The following SHROOM2 variants were observed in gnomAD, a reference collection of about 807,000 sequenced individuals.
SHROOM2 encodes the protein protein Shroom2.
A neutral mutation model predicts 75.9 loss-of-function variants in SHROOM2; 33 were observed. That is an observed-to-expected ratio of 0.43 (90% confidence interval 0.33 to 0.58). The LOEUF is 0.58. Ranked by LOEUF, SHROOM2 falls within the 20% of genes least tolerant of loss-of-function variation. SHROOM2 has a pLI of 0.04. For synonymous variants in SHROOM2, 655 were observed against 663.6 expected (o/e 0.99, Z 0.20); for missense variants, 1,434 against 1,461.2 (o/e 0.98, Z 0.30).
intron 5 of SHROOM2, among the ~76,000 whole-genome samples, chrX:9,898,906 C>T (rs201989584): frequency 0.039 from 4,340 of 111,189 alleles, 172 homozygotes; most frequent in African/African-American, 0.12. Flanking sequence ...GAATGTGCGC[C>T]GTAGCCGCTT....
At chrX:9,929,985 A>G (rs1041026710) in intron 5 of SHROOM2, among the ~76,000 whole-genome samples, 4 of 111,471 alleles carry the variant, frequency 3.6e-5, no homozygotes, top group African/African-American at 6.5e-5. Flanking sequence ...ACCTCCCGCC[A>G]TGATTCTGAG....
Position 9,907,340 on chromosome X carries a change from T to C in SHROOM2, c.2891+9050T>C, listed in dbSNP as rs945435723. ...ACAGGCTGTGTCTCTGAATAGAAAGTCTCCACACTGCCGTGCCGCTCTCCA... is the reference window on the plus strand; with the variant it reads ...ACAGGCTGTGTCTCTGAATAGAAAGCCTCCACACTGCCGTGCCGCTCTCCA... On this transcript the variant is annotated intron_variant, in intron 5 of 9. Transcript: ENST00000380913. 7.2e-5 allele frequency among the ~76,000 whole-genome samples: 8 copies of C among 110,796 alleles called. No homozygotes were observed. In the East Asian group the frequency reaches 1.7e-3, roughly 24 times the overall value.
Position 9,908,944 on chromosome X carries a change from A to AAAATAAATAAAT in SHROOM2, c.2891+10674_2891+10685dup, listed in dbSNP as rs57235803. Among the ~76,000 whole-genome samples, 858 of 102,982 alleles carry AAAATAAATAAAT rather than the reference A, an allele frequency of 8.3e-3. 4 individuals are homozygous for AAAATAAATAAAT. Among genetic ancestry groups the AAAATAAATAAAT allele is most frequent in the Non-Finnish European group, 0.012 (623 of 50,676 alleles). 89.4% of individuals were successfully genotyped at this position (102,982 alleles called of 115,157 possible). ...TGGGTGACAGTGAGACCCTCTCTCA[A>AAAATAAATAAAT]AAATAAATAAATAAATAAATAAATA... On this transcript the variant is annotated intron_variant, in intron 5 of 9. Coordinates refer to ENST00000380913, the MANE Select transcript of SHROOM2 (RefSeq NM_001649.4).
chrX:9,862,214 T>A (rs1028585153), intron 1 of SHROOM2, among the ~76,000 whole-genome samples: 2 of 111,630 alleles, frequency 1.8e-5, no homozygotes, highest in African/African-American at 6.5e-5. Flanking sequence ...AATTATTAAC[T>A]AGTAGCTACT....
rs1814565579 is a variant in SHROOM2, at chrX:9,815,557, TCCTATATCTATATCCTATA to T, written c.165+28848_165+28866del. Reference sequence around the variant, plus strand: ...ATTATATATATATATCCTATATCTATCCTATATCTATATCCTATATCTATATCTATATCTATATCTATAT... The same window carrying T: ...ATTATATATATATATCCTATATCTATTCTATATCTATATCTATATCTATAT... On this transcript the variant is annotated intron_variant, in intron 1 of 9. Coordinates refer to ENST00000380913, the MANE Select transcript of SHROOM2 (RefSeq NM_001649.4). 3.0e-5 allele frequency among the ~76,000 whole-genome samples: 3 copies of T among 98,543 alleles called. No individual in the cohort carries two copies. In the Admixed American group the frequency reaches 3.9e-4, roughly 13 times the overall value. 85.6% of individuals were successfully genotyped at this position (98,543 alleles called of 115,157 possible). A position where few individuals can be genotyped will look rare whatever the true frequency, so the allele number is the denominator to read the frequency against.
rs1569132987 is a variant in SHROOM2 at position 9,792,064 on chromosome X, TA to T, written c.165+5355del. Among the ~76,000 whole-genome samples, 35 of 12,302 alleles carry T rather than the reference TA, an allele frequency of 2.8e-3. 5 individuals are homozygous for T. The highest frequency in any genetic ancestry group is 9.0e-3 in the African/African-American group (35 of 3,883). 10.7% of individuals were successfully genotyped at this position (12,302 alleles called of 115,157 possible). A position where few individuals can be genotyped will look rare whatever the true frequency, so the allele number is the denominator to read the frequency against. On this transcript the variant is annotated intron_variant, in intron 1 of 9. Transcript: ENST00000380913. ...TAGAATAGAATAGAATAGAATAGAA[TA>T]GAATAGAATAGAATAGAATAGAATA...
At chrX:9,792,850 C>T (rs1305684243) in intron 1 of SHROOM2, among the ~76,000 whole-genome samples, 4 of 109,505 alleles carry the variant, frequency 3.7e-5, no homozygotes, top group Non-Finnish European at 7.6e-5. Context: ...CCTGGCGTTA[C>T]AGGCGCACAC....
At chrX:9,859,028 A>G (rs1354538182) in intron 1 of SHROOM2, among the ~76,000 whole-genome samples, 1 of 111,600 alleles carries the variant, frequency 9.0e-6, no homozygotes, top group Non-Finnish European at 1.9e-5. Flanking sequence ...AGCCTGGCCA[A>G]CATGGTGAAA....
At chrX:9,875,901 A>G (rs771849198) in intron 2 of SHROOM2, among the ~76,000 whole-genome samples, 63 of 112,773 alleles carry the variant, frequency 5.6e-4, no homozygotes, top group Non-Finnish European at 7.7e-4. Context: ...GTACATATTT[A>G]GTGATAAAGA....
chrX:9,843,172 C>T (rs1156277299), intron 1 of SHROOM2, among the ~76,000 whole-genome samples: 2 of 110,150 alleles, frequency 1.8e-5, no homozygotes, highest in Admixed American at 1.9e-4. Context: ...TCTCACCTCC[C>T]CCACACTGGG....
intron 5 of SHROOM2, among the ~76,000 whole-genome samples, chrX:9,907,171 G>A (rs1182286174): frequency 9.0e-6 from 1 of 111,516 alleles, no homozygotes; most frequent in African/African-American, 3.3e-5. Context: ...CTCTGAGTCA[G>A]GTATGTGGAT....
At chrX:9,880,961 TAAAG>T (rs968431178) in intron 2 of SHROOM2, among the ~76,000 whole-genome samples, 1 of 111,499 alleles carries the variant, frequency 9.0e-6, no homozygotes, top group African/African-American at 3.3e-5. Context: ...GTTTTATTGT[TAAAG>T]AAAGCCTGTT....
chrX:9,900,766 A>G (rs967499259), intron 5 of SHROOM2, among the ~76,000 whole-genome samples: 1 of 111,021 alleles, frequency 9.0e-6, no homozygotes, highest in Non-Finnish European at 1.9e-5. Context: ...TTGAGCTAAA[A>G]TAGAACTGAA....
chrX:9,829,917 C>A (rs2083906629), intron 1 of SHROOM2, among the ~76,000 whole-genome samples: 1 of 111,319 alleles, frequency 9.0e-6, no homozygotes, highest in African/African-American at 3.3e-5. Flanking sequence ...TCAGTTGATG[C>A]TTTTAGGAGA....
chrX:9,894,363 C>T lies in SHROOM2; in HGVS notation c.455C>T (p.Ser152Phe). 8.3e-7 allele frequency: 1 copy of T among 1,200,314 alleles called. No individual in the cohort carries two copies. Reference sequence around the variant, plus strand: ...CCTTCTTCTCATTCTTGCAGTTCTTCCTCCCACGACCTGTCCAGTTCCTGG... The same window carrying T: ...CCTTCTTCTCATTCTTGCAGTTCTTTCTCCCACGACCTGTCCAGTTCCTGG... Reference protein sequence around the residue: ...SWSGRHHASSSSHDLSSSWEQ... With the variant: ...SWSGRHHASSFSHDLSSSWEQ... The change falls in exon 4 of 10, where the codon TCC (serine) becomes TTC (phenylalanine). Residue 152 changes from serine to phenylalanine, a missense_variant. Ser to Phe is a radical substitution (Grantham distance 155). Around this residue, in one of 3 missense-constraint regions of SHROOM2, gnomAD observed 1,340 missense variants for 1,338.3 expected, o/e 1.00. Transcript: ENST00000380913.
In SHROOM2 at chrX:9,894,733, C is replaced by T; in HGVS notation, c.825C>T (p.Asp275=). The change falls in exon 4 of 10, where the codon GAC becomes GAT. Residue 275 remains aspartate (D), a synonymous_variant. Coordinates refer to ENST00000380913, the MANE Select transcript of SHROOM2 (RefSeq NM_001649.4). ...LSCFPPRVPG[D]SGKGPRPEYN... ...GTTTCCCGCCCAGGGTCCCCGGTGA[C>T]AGCGGCAAAGGCCCCAGGCCAGAGT... 8.3e-7 allele frequency: 1 copy of T among 1,211,326 alleles called. No individual in the cohort carries two copies. The highest frequency in any genetic ancestry group is 1.1e-6 in the Non-Finnish European group (1 of 895,250).
chrX:9,883,784 G>A (rs1270948133), intron 2 of SHROOM2, among the ~76,000 whole-genome samples: 1 of 111,391 alleles, frequency 9.0e-6, no homozygotes, highest in Non-Finnish European at 1.9e-5. Flanking sequence ...CAGAGTCAGA[G>A]CTGGGGTTCA....
At chrX:9,935,405 C>G (rs935386218) in intron 6 of SHROOM2, among the ~76,000 whole-genome samples, 1 of 109,846 alleles carries the variant, frequency 9.1e-6, no homozygotes, top group East Asian at 2.8e-4. Flanking sequence ...GTCTCAAACT[C>G]CTGGGCGCAA....
chrX:9,913,745 C>G lies in SHROOM2; in HGVS notation c.2891+15455C>G, dbSNP rs768777171. ...TGAAGAAAGGTTTTTGGAAATCTAC[C>G]TGGTAGCACTTACGAGTAAACAGCC... On this transcript the variant is annotated intron_variant, in intron 5 of 9. Coordinates refer to ENST00000380913, the MANE Select transcript of SHROOM2 (RefSeq NM_001649.4). Among the ~76,000 whole-genome samples the G allele has an allele frequency of 4.5e-5, 5 of 112,011 alleles. No individual in the cohort carries two copies. The East Asian group carries it at 1.1e-3, about 25-fold the overall frequency.
Sources: allele counts gnomAD v4.1 joint callset (sites outside exome capture counted in the v4.1 genomes callset), GRCh38; gene constraint gnomAD v4.1.1; regional missense constraint gnomAD v4.1.1; transcripts MANE v1.5; gene names NCBI Gene and HGNC (gene_info 2026-07-23, HGNC 2026-07-21).